The following ESS2 variants were observed in gnomAD, a reference collection of about 807,000 sequenced individuals.
ESS2 encodes splicing factor ESS-2 homolog.
In ESS2, 31 loss-of-function variants were observed where a neutral mutation model predicts 52.0. The ratio of observed to expected loss-of-function variants is 0.60; its 90% CI spans 0.45 to 0.81. The LOEUF (loss-of-function observed/expected upper bound fraction) is 0.81. Ranked by LOEUF, ESS2 falls within the 30% of genes least tolerant of loss-of-function variation. The probability of loss-of-function intolerance (pLI) is 0.00; values close to 1 mark genes in which losing one functional copy is unlikely to be tolerated. For missense variants in ESS2, 602 were observed against 637.2 expected (o/e 0.94, Z 0.59); for synonymous variants, 285 against 259.2 (o/e 1.10, Z -0.95).
Position 19,139,934 on chromosome 22 carries a change from TG to T in ESS2, c.490del (p.Gln164ArgfsTer97). The T allele has an allele frequency of 3.1e-6, 5 of 1,614,182 alleles. No individual in the cohort carries two copies. The highest frequency in any genetic ancestry group is 4.2e-6 in the Non-Finnish European group (5 of 1,180,032). Reference protein sequence around the residue: ...RYTSEDNASFQEIMEVAKERS... With the variant: ...RYTSEDNASFXEIMEVAKERS... ...CTCCTTGGCCACCTCCATGATCTCCTGGAAGGAGGCATTGTCCTCACTCGTG... is the reference window on the plus strand; with the variant it reads ...CTCCTTGGCCACCTCCATGATCTCCTGAAGGAGGCATTGTCCTCACTCGTG... On this transcript the variant is annotated frameshift_variant, in exon 4 of 10. Transcript: ENST00000252137. LOFTEE classifies it high-confidence loss of function.
In ESS2 at chr22:19,131,320, T is replaced by TA. The variant is rs1276164611; in HGVS notation, c.*2875dup. ...GGGCAGCCCAGCCAGACGCCTCCGG[T>TA]AGTGTAAATGAGGACAATGCCTGCT... On this transcript the variant is annotated 3_prime_UTR_variant, in exon 10 of 10. Coordinates refer to ENST00000252137, the MANE Select transcript of ESS2 (RefSeq NM_022719.3). The surrounding 1 kb of genome is among the most constrained non-coding windows in gnomAD (Gnocchi z 5.7). The TA allele has an allele frequency of 1.9e-5, 24 of 1,287,516 alleles. No individual in the cohort carries two copies. The highest frequency in any genetic ancestry group is 2.5e-5 in the Non-Finnish European group (23 of 921,972). The allele number at this position is 1,287,516 out of a possible 1,614,324, so 79.8% of individuals were successfully genotyped here. A position where few individuals can be genotyped will look rare whatever the true frequency, so the allele number is the denominator to read the frequency against.
chr22:19,138,193 T>G lies in ESS2; in HGVS notation c.925+22A>C, dbSNP rs1319077248. The G allele has an allele frequency of 1.9e-6, 3 of 1,612,186 alleles. No homozygotes were observed. The Admixed American group carries it at 5.0e-5, about 27-fold the overall frequency. On this transcript the variant is annotated intron_variant, in intron 7 of 9. Coordinates refer to ENST00000252137, the MANE Select transcript of ESS2 (RefSeq NM_022719.3). ...AGGGAGTCCCAGCAGTAGACCCACT[T>G]GCCAGTGGGCACTTTTCTCACCAGG...
Position 19,135,191 on chromosome 22 carries a change from T to C in ESS2, c.1036-16A>G. ...GCTCCAGGATCTACAAGGTAGCAGG[T>C]GTGTGGGTAGCTGCGCCAGGCCTGC... On this transcript the variant is annotated splice_polypyrimidine_tract_variant and intron_variant, in intron 8 of 9. Transcript: ENST00000252137. 6.2e-7 allele frequency: 1 copy of C among 1,602,784 alleles called. No individual in the cohort carries two copies. Among genetic ancestry groups the C allele is most frequent in the Non-Finnish European group, 8.5e-7 (1 of 1,170,978 alleles).
At position 19,137,954 on chromosome 22, in the gene ESS2, C is replaced by T. The variant is rs2083612994; in HGVS notation, c.925+261G>A. ...TGCACACACCCCCACCCACTGACATCACAGTAAGGACCAGGACAGGACACG... is the reference window on the plus strand; with the variant it reads ...TGCACACACCCCCACCCACTGACATTACAGTAAGGACCAGGACAGGACACG... On this transcript the variant is annotated intron_variant, in intron 7 of 9. Coordinates refer to ENST00000252137, the MANE Select transcript of ESS2 (RefSeq NM_022719.3). 7 of 985,286 alleles carry T rather than the reference C, an allele frequency of 7.1e-6. No individual in the cohort carries two copies. In the South Asian group the frequency reaches 2.3e-4, roughly 33 times the overall value. The allele number at this position is 985,286 out of a possible 1,614,324, so 61.0% of individuals were successfully genotyped here.
Position 19,137,407 on chromosome 22 carries a change from G to A in ESS2, c.951C>T (p.Thr317=). ...APGVNESPMM[T]WGEVENTPLR... Reference sequence around the variant, plus strand: ...AGGGTGTGTTCTCAACCTCCCCCCAGGTCATCATCGGGGACTCGTTCACAC... The same window carrying A: ...AGGGTGTGTTCTCAACCTCCCCCCAAGTCATCATCGGGGACTCGTTCACAC... Residue 317 remains threonine, a synonymous_variant, in exon 8 of 10, where the codon ACC becomes ACT. Transcript: ENST00000252137. 8 of 1,613,454 alleles carry A rather than the reference G, an allele frequency of 5.0e-6. No individual in the cohort carries two copies. The highest frequency in any genetic ancestry group is 6.8e-6 in the Non-Finnish European group (8 of 1,179,678).
rs150037057 is a variant in ESS2 at position 19,132,320 on chromosome 22, C to T, written c.*1876G>A. On this transcript the variant is annotated 3_prime_UTR_variant, in exon 10 of 10. Transcript: ENST00000252137. The surrounding 1 kb of genome is among the most constrained non-coding windows in gnomAD (Gnocchi z 4.2). ...TGGACACCAAGACAGGCTTGAGGCC[C>T]GACCACCGGCCCGACCACAAGCTTG... The T allele has an allele frequency of 2.0e-5, 32 of 1,612,880 alleles. No individual in the cohort carries two copies. The East Asian group carries it at 3.8e-4, about 19-fold the overall frequency.
intron 6 of ESS2, 45 bp downstream of exon 6, chr22:19,139,114 C>A (rs762713892): frequency 6.5e-7 from 1 of 1,547,880 alleles, no homozygotes; most frequent in Non-Finnish European, 8.7e-7. Flanking sequence ...CCCAGGCAGC[C>A]CTGTCCAACC....
chr22:19,136,483 C>G (rs2083584872), intron 8 of ESS2, among the ~76,000 whole-genome samples: 1 of 152,174 alleles, frequency 6.6e-6, no homozygotes, highest in South Asian at 2.1e-4. Flanking sequence ...GAGGACCCAG[C>G]TCCCTTCATT....
intron 3 of ESS2, among the ~76,000 whole-genome samples, 163 bp from the exon 4 acceptor site, chr22:19,140,187 G>A (rs116801544): frequency 0.016 from 2,503 of 152,280 alleles, 68 homozygotes; most frequent in African/African-American, 0.056. Context: ...GACTCCCCAC[G>A]GGGGCAGAAT....
rs1197872057 is a variant in ESS2 at position 19,142,846 on chromosome 22, G to C, written c.184C>G (p.Leu62Val). 1 of 1,613,960 alleles carries C rather than the reference G, an allele frequency of 6.2e-7. No individual in the cohort carries two copies. Among genetic ancestry groups the C allele is most frequent in the African/African-American group, 1.3e-5 (1 of 74,908 alleles). ...QRDFFPDVEK[L>V]QAQKEYLEAE... Reference sequence around the variant, plus strand: ...TCCAGGTACTCCTTCTGTGCCTGGAGCTTCTCCACATCAGGAAAGAAATCC... The same window carrying C: ...TCCAGGTACTCCTTCTGTGCCTGGACCTTCTCCACATCAGGAAAGAAATCC... The change falls in exon 2 of 10, where the codon CTC (leucine) becomes GTC (valine). Residue 62 changes from leucine to valine, a missense_variant. Coordinates refer to ENST00000252137, the MANE Select transcript of ESS2 (RefSeq NM_022719.3).
chr22:19,132,586 C>G lies in ESS2; in HGVS notation c.*1610G>C. On this transcript the variant is annotated 3_prime_UTR_variant, in exon 10 of 10. Coordinates refer to ENST00000252137, the MANE Select transcript of ESS2 (RefSeq NM_022719.3). The surrounding 1 kb of genome is among the most constrained non-coding windows in gnomAD (Gnocchi z 4.2). Reference sequence around the variant, plus strand: ...GTAGGATCTGAAGAAGGCACAGGTGCAAGTAAAATTCGTCAATTAAACCAC... The same window carrying G: ...GTAGGATCTGAAGAAGGCACAGGTGGAAGTAAAATTCGTCAATTAAACCAC... 8.8e-7 allele frequency: 1 copy of G among 1,136,960 alleles called. No homozygotes were observed. Among genetic ancestry groups the G allele is most frequent in the Non-Finnish European group, 1.3e-6 (1 of 790,064 alleles). 70.4% of individuals were successfully genotyped at this position (1,136,960 alleles called of 1,614,324 possible).
intron 1 of ESS2, chr22:19,143,929 C>T: frequency 2.0e-6 from 1 of 487,954 alleles, no homozygotes; most frequent in Non-Finnish European, 2.7e-6. Context: ...TTGAGATTCC[C>T]AAGTCTGCAC....
Position 19,132,512 on chromosome 22 carries a change from G to A in ESS2, c.*1684C>T, listed in dbSNP as rs1285697972. ...GCCCCGTTGTGTGTGGTGGGGGTCG[G>A]GGTTGGGGGGCATGGTGCAGTCGGC... On this transcript the variant is annotated 3_prime_UTR_variant, in exon 10 of 10. Coordinates refer to ENST00000252137, the MANE Select transcript of ESS2 (RefSeq NM_022719.3). The surrounding 1 kb of genome is among the most constrained non-coding windows in gnomAD (Gnocchi z 4.2). 3.2e-6 allele frequency: 5 copies of A among 1,561,192 alleles called. No individual in the cohort carries two copies. Among genetic ancestry groups the A allele is most frequent in the Non-Finnish European group, 4.3e-6 (5 of 1,149,668 alleles).
chr22:19,144,119 C>T (rs1478368658), intron 1 of ESS2: 11 of 1,030,434 alleles, frequency 1.1e-5, no homozygotes, highest in Non-Finnish European at 1.3e-5. Flanking sequence ...CGCAGGTCCA[C>T]TCACTCGAGA....
Position 19,139,953 on chromosome 22 carries a change from C to T in ESS2, c.472G>A (p.Glu158Lys), listed in dbSNP as rs1413544743. The T allele has an allele frequency of 6.2e-7, 1 of 1,614,196 alleles. No individual in the cohort carries two copies. Among genetic ancestry groups the T allele is most frequent in the Admixed American group, 1.7e-5 (1 of 60,022 alleles). Residue 158 changes from glutamate (E) to lysine (K), a missense_variant, in exon 4 of 10, where the codon GAG (glutamate) becomes AAG (lysine). Glu to Lys is a moderately conservative substitution (Grantham distance 56). Transcript: ENST00000252137. ...ATCTCCTGGAAGGAGGCATTGTCCT[C>T]ACTCGTGTAGCGGCTCAGGAAGACA... is the stretch of plus-strand genomic sequence containing the variant. Reference protein sequence around the residue: ...LDVFLSRYTSEDNASFQEIME... With the variant: ...LDVFLSRYTSKDNASFQEIME...
chr22:19,139,049 G>T, intron 6 of ESS2, 110 bp downstream of exon 6: 1 of 1,411,764 alleles, frequency 7.1e-7, no homozygotes, highest in Non-Finnish European at 9.4e-7. Context: ...GCCCCAGATG[G>T]TTCCACTCAC....
chr22:19,137,922 A>C, intron 7 of ESS2: 1 of 985,358 alleles, frequency 1.0e-6, no homozygotes, highest in Non-Finnish European at 1.2e-6. Context: ...TAGACTCATA[A>C]GCACTGTGCA....
intron 1 of ESS2, among the ~76,000 whole-genome samples, chr22:19,143,322 C>T (rs185886694): frequency 1.5e-4 from 23 of 152,284 alleles, no homozygotes; most frequent in Non-Finnish European, 2.9e-4. Flanking sequence ...TTCTACTTCC[C>T]CAATGACTGG....
In ESS2 at chr22:19,132,030, TGC is replaced by T. The variant is rs1569102884; in HGVS notation, c.*2164_*2165del. 6.2e-7 allele frequency: 1 copy of T among 1,614,132 alleles called. No individual in the cohort carries two copies. Among genetic ancestry groups the T allele is most frequent in the East Asian group, 2.2e-5 (1 of 44,874 alleles). ...GGGCGTGATCCTGTACATCATGGTC[TGC>T]GGCTCCATGCCCTATGACGACTCCG... is the stretch of plus-strand genomic sequence containing the variant. On this transcript the variant is annotated 3_prime_UTR_variant, in exon 10 of 10. Coordinates refer to ENST00000252137, the MANE Select transcript of ESS2 (RefSeq NM_022719.3). This position sits in a 1 kb window ranked among gnomAD's most constrained non-coding sequence, Gnocchi z 4.2.
Sources: gnomAD v4.1 joint callset for allele counts (sites outside exome capture counted in the v4.1 genomes callset) on GRCh38, gnomAD v4.1.1 for gene constraint, Gnocchi (gnomAD v3.1) non-coding constraint, MANE v1.5 for transcripts, NCBI Gene and HGNC (gene_info 2026-07-23, HGNC 2026-07-21) for gene names.